Variants in PCDHGA3 observed in about 807,000 individuals in gnomAD.
The protein encoded by PCDHGA3 is protocadherin gamma-A3.
PCDHGA3 carries 40 observed loss-of-function variants against 58.5 expected under a neutral mutation model. That is an observed-to-expected ratio of 0.68 (90% confidence interval 0.53 to 0.89). PCDHGA3 has a LOEUF of 0.89. Ranked by LOEUF, PCDHGA3 falls within the 40% of genes least tolerant of loss-of-function variation. The pLI is 0.00. For synonymous variants in PCDHGA3, 530 were observed against 525.7 expected (o/e 1.01, Z -0.11); for missense variants, 1,223 against 1,195.9 (o/e 1.02, Z -0.33).
At chr5:141,347,228 A>T (rs1384290529) in intron 1 of PCDHGA3, among the ~76,000 whole-genome samples, 1 of 146,872 alleles carries the variant, frequency 6.8e-6, no homozygotes, top group Admixed American at 7.0e-5. Flanking sequence ...ATCACGGCTC[A>T]CTGCAGCCTT....
rs757674087 is a variant in PCDHGA3 at position 141,356,453 on chromosome 5, A to G, written c.2424+9996A>G. 46 of 1,613,242 alleles carry G rather than the reference A, an allele frequency of 2.9e-5. No individual in the cohort carries two copies. Among genetic ancestry groups the G allele is most frequent in the Admixed American group, 1.3e-4 (8 of 59,874 alleles). On this transcript the variant is annotated intron_variant, in intron 1 of 3. Coordinates refer to ENST00000253812, the MANE Select transcript of PCDHGA3 (RefSeq NM_018916.4). ...CTGGACAGGGAAGAAGTCTCAGAAT[A>G]TAACATCACTGTAACTGCCACTGAC...
chr5:141,459,285 A>G (rs1316912878), intron 1 of PCDHGA3, among the ~76,000 whole-genome samples: 1 of 152,202 alleles, frequency 6.6e-6, no homozygotes, highest in Non-Finnish European at 1.5e-5. Context: ...TTTCATCTAA[A>G]TGGAATCCTA....
chr5:141,355,805 G>T (rs571571659), intron 1 of PCDHGA3: 1 of 1,613,322 alleles, frequency 6.2e-7, no homozygotes, highest in South Asian at 1.1e-5. Flanking sequence ...GCTCTAGATC[G>T]CGAGGAAGAG....
At position 141,477,118 on chromosome 5, in the gene PCDHGA3, A is replaced by T. The variant is rs2099405787; in HGVS notation, c.2425-17689A>T. The T allele has an allele frequency of 6.2e-7, 1 of 1,614,228 alleles. No homozygotes were observed. Among genetic ancestry groups the T allele is most frequent in the Non-Finnish European group, 8.5e-7 (1 of 1,180,034 alleles). On this transcript the variant is annotated intron_variant, in intron 1 of 3. Coordinates refer to ENST00000253812, the MANE Select transcript of PCDHGA3 (RefSeq NM_018916.4). This position sits in a 1 kb window ranked among gnomAD's most constrained non-coding sequence, Gnocchi z 4.9. ...ACAAGGGCGCCAATCCCGAAGGAGC[A>T]CATTGCAAAGTGTTGGTGGAGGTTG...
chr5:141,414,684 A>G (rs747750994), intron 1 of PCDHGA3: 6 of 1,613,806 alleles, frequency 3.7e-6, no homozygotes, highest in Non-Finnish European at 5.1e-6. Flanking sequence ...TCCAGGGGGT[A>G]CCTCTGTCCT....
intron 1 of PCDHGA3, chr5:141,427,774 G>T: frequency 1.4e-6 from 2 of 1,420,908 alleles, no homozygotes; most frequent in Non-Finnish European, 2.0e-6. Context: ...TTGGAGCTGC[G>T]GGCACTGTCG....
chr5:141,480,887 A>T (rs2099527301), intron 1 of PCDHGA3, among the ~76,000 whole-genome samples: 1 of 152,146 alleles, frequency 6.6e-6, no homozygotes. Flanking sequence ...TCTACTAAAA[A>T]TGCAAACATT....
Position 141,438,902 on chromosome 5 carries a change from G to A in PCDHGA3, c.2425-55905G>A, listed in dbSNP as rs185216039. 2.0e-5 allele frequency among the ~76,000 whole-genome samples: 3 copies of A among 151,906 alleles called. No homozygotes were observed. The East Asian group carries it at 5.8e-4, about 29-fold the overall frequency. On this transcript the variant is annotated intron_variant, in intron 1 of 3. Coordinates refer to ENST00000253812, the MANE Select transcript of PCDHGA3 (RefSeq NM_018916.4). ...GCTGCTCTTGAACTCCTGACCTCAGGTGATCCACCTGCCTTGGCCTCCCAA... is the reference window on the plus strand; with the variant it reads ...GCTGCTCTTGAACTCCTGACCTCAGATGATCCACCTGCCTTGGCCTCCCAA...
chr5:141,361,309 T>A (rs754447823), intron 1 of PCDHGA3: 4 of 1,613,964 alleles, frequency 2.5e-6, no homozygotes, highest in South Asian at 2.2e-5. Context: ...AAATGCCAAG[T>A]TTATTTTGAA....
At chr5:141,433,358 C>CCTAT (rs3074541) in intron 1 of PCDHGA3, 148,925 of 502,316 alleles carry the variant, frequency 0.3, 18,760 homozygotes, top group East Asian at 0.33. Flanking sequence ...CTACTGTCTG[C>CCTAT]CTATCTATCT....
intron 1 of PCDHGA3, chr5:141,375,760 G>T (rs779640846): frequency 1.2e-6 from 2 of 1,614,118 alleles, no homozygotes; most frequent in Admixed American, 1.7e-5. Context: ...ATGACAATGC[G>T]CCCGAGATCC....
intron 1 of PCDHGA3, among the ~76,000 whole-genome samples, chr5:141,452,745 G>A (rs1246578948): frequency 6.6e-6 from 1 of 152,054 alleles, no homozygotes; most frequent in African/African-American, 2.4e-5. Flanking sequence ...AGAGAGAGAA[G>A]GAAGAAGGAA....
chr5:141,390,392 C>A, intron 1 of PCDHGA3: 1 of 1,390,890 alleles, frequency 7.2e-7, no homozygotes. Flanking sequence ...TGTCATGGAT[C>A]ATTTTAGGAA....
chr5:141,350,383 C>T, intron 1 of PCDHGA3: 2 of 1,590,220 alleles, frequency 1.3e-6, no homozygotes, highest in Non-Finnish European at 1.7e-6. Flanking sequence ...AGCTAGCCAA[C>T]GGCTCACGGG....
Position 141,361,957 on chromosome 5 carries a change from G to C in PCDHGA3, c.2424+15500G>C, listed in dbSNP as rs976081209. On this transcript the variant is annotated intron_variant, in intron 1 of 3. Transcript: ENST00000253812. The stretch of plus-strand genomic sequence containing the variant: ...ACACAACGCTTGGCTGTCCTACCAC[G>C]TGCTGCAGGCCAGCGAGCCCGGGCT... 1.0e-5 allele frequency: 16 copies of C among 1,603,004 alleles called. No individual in the cohort carries two copies. In the Admixed American group the frequency reaches 1.8e-4, roughly 19 times the overall value.
chr5:141,476,950 A>T lies in PCDHGA3; in HGVS notation c.2425-17857A>T, dbSNP rs1224572890. 2 of 1,614,158 alleles carry T rather than the reference A, an allele frequency of 1.2e-6. No homozygotes were observed. The highest frequency in any genetic ancestry group is 4.5e-5 in the East Asian group (2 of 44,878). ...ATCTGGATGAAGGCCCCAACGGTGA[A>T]ATTATTTACTCCTTCGGCAGCCACA... On this transcript the variant is annotated intron_variant, in intron 1 of 3. Transcript: ENST00000253812. The surrounding 1 kb of genome is among the most constrained non-coding windows in gnomAD (Gnocchi z 7.6).
intron 1 of PCDHGA3, among the ~76,000 whole-genome samples, chr5:141,354,829 C>G (rs1208052718): frequency 1.3e-5 from 2 of 151,828 alleles, no homozygotes; most frequent in African/African-American, 4.9e-5. Flanking sequence ...TACAGGAAGA[C>G]TTGGATCATT....
intron 1 of PCDHGA3, among the ~76,000 whole-genome samples, chr5:141,349,390 A>G (rs893933171): frequency 6.6e-6 from 1 of 152,168 alleles, no homozygotes; most frequent in Non-Finnish European, 1.5e-5. Flanking sequence ...CATTCATATA[A>G]AAAAGAAGCA....
At chr5:141,417,517 T>C (rs2096127273) in intron 1 of PCDHGA3, 1 of 255,788 alleles carries the variant, frequency 3.9e-6, no homozygotes, top group East Asian at 7.9e-5. Flanking sequence ...ATATTTTGGC[T>C]GTCAACTCGT....
Sources: gnomAD v4.1 joint callset for allele counts (sites outside exome capture counted in the v4.1 genomes callset) on GRCh38, gnomAD v4.1.1 for gene constraint, Gnocchi (gnomAD v3.1) non-coding constraint, MANE v1.5 for transcripts, NCBI Gene and HGNC (gene_info 2026-07-23, HGNC 2026-07-21) for gene names.